HNRNPA2B1: variants seen among roughly 807,000 people sequenced by gnomAD.
HNRNPA2B1 encodes the protein heterogeneous nuclear ribonucleoprotein A2/B1.
Under a neutral mutation model 46.3 loss-of-function variants are expected in HNRNPA2B1, and 3 were observed. That is an observed-to-expected ratio of 0.06 (90% CI 0.03 to 0.17). HNRNPA2B1 has a LOEUF of 0.17. HNRNPA2B1 is among the 10% of genes least tolerant of loss of function. HNRNPA2B1 has a pLI of 1.00. For synonymous variants in HNRNPA2B1, 225 were observed against 133.8 expected, an observed-to-expected ratio of 1.68 and a Z score of -4.70; for missense variants, 221 against 418.9, an observed-to-expected ratio of 0.53 and a Z score of 4.12.
At position 26,192,583 on chromosome 7, in the gene HNRNPA2B1, A is replaced by G; in HGVS notation, c.965-6T>C. On this transcript the variant is annotated splice_region_variant and splice_polypyrimidine_tract_variant and intron_variant, in intron 9 of 10. Coordinates refer to ENST00000618183, the MANE Select transcript of HNRNPA2B1 (RefSeq NM_002137.4). ...GCCTCCTGGACCATAGTTTCCTATAATTGTTGGAACAGCAAGAGAAAACAA... is the reference window on the plus strand; with the variant it reads ...GCCTCCTGGACCATAGTTTCCTATAGTTGTTGGAACAGCAAGAGAAAACAA... The G allele has an allele frequency of 1.2e-6, 2 of 1,613,516 alleles. No homozygotes were observed. Among genetic ancestry groups the G allele is most frequent in the Non-Finnish European group, 1.7e-6 (2 of 1,179,452 alleles).
intron 9 of HNRNPA2B1, 81 bp from the exon 10 acceptor site, chr7:26,192,658 T>G: frequency 1.8e-6 from 2 of 1,129,956 alleles, no homozygotes; most frequent in South Asian, 2.5e-5. Flanking sequence ...TGATTCTATT[T>G]TATATCCATC....
chr7:26,195,147 T>C (rs1783411759), intron 7 of HNRNPA2B1, among the ~76,000 whole-genome samples: 1 of 144,628 alleles, frequency 6.9e-6, no homozygotes, highest in Admixed American at 6.9e-5. Context: ...GCTTGTGGGC[T>C]GAGTCTCTAA....
Position 26,192,355 on chromosome 7 carries a change from A to G in HNRNPA2B1, c.*22-17T>C, listed in dbSNP as rs1389814136. 1 of 646,912 alleles carries G rather than the reference A, an allele frequency of 1.5e-6. No individual in the cohort carries two copies. 40.1% of individuals were successfully genotyped at this position (646,912 alleles called of 1,614,324 possible). On this transcript the variant is annotated splice_polypyrimidine_tract_variant and intron_variant, in intron 10 of 10. Coordinates refer to ENST00000618183, the MANE Select transcript of HNRNPA2B1 (RefSeq NM_002137.4). Reference sequence around the variant, plus strand: ...CAGTGAAGCCTGTTTCAACAGAAGTAAAGAGTAAAAAAAAAATAGGTTATG... The same window carrying G: ...CAGTGAAGCCTGTTTCAACAGAAGTGAAGAGTAAAAAAAAAATAGGTTATG...
At chr7:26,197,974 T>C (rs1339580639) in intron 1 of HNRNPA2B1, 3 of 592,478 alleles carry the variant, frequency 5.1e-6, no homozygotes, top group Non-Finnish European at 8.7e-6. Context: ...AGTTTCAAAG[T>C]CATTAATGCT....
At chr7:26,198,212 A>C (rs1206109202) in intron 1 of HNRNPA2B1, 1 of 191,914 alleles carries the variant, frequency 5.2e-6, no homozygotes, top group Non-Finnish European at 1.0e-5. Flanking sequence ...ACTATTCAAT[A>C]TCTGAAAAGT....
chr7:26,194,538 C>T (rs1783290481), intron 7 of HNRNPA2B1, among the ~76,000 whole-genome samples: 1 of 150,904 alleles, frequency 6.6e-6, no homozygotes, highest in Admixed American at 6.6e-5. Flanking sequence ...CACACCTCTA[C>T]AAAAAAACAC....
chr7:26,198,061 A>C, intron 1 of HNRNPA2B1: 3 of 410,788 alleles, frequency 7.3e-6, no homozygotes, highest in East Asian at 3.7e-5. Flanking sequence ...AAATAAACAA[A>C]TGTAGACCGT....
intron 7 of HNRNPA2B1, among the ~76,000 whole-genome samples, chr7:26,194,168 G>A (rs191672259): frequency 0.03 from 4,599 of 152,206 alleles, 78 homozygotes; most frequent in Middle Eastern, 0.054. Flanking sequence ...AGGCCGAGGC[G>A]GACGGATCAC....
At chr7:26,198,054 T>C (rs1562719964) in intron 1 of HNRNPA2B1, 1 of 435,346 alleles carries the variant, frequency 2.3e-6, no homozygotes. Context: ...TAAGGAAAAA[T>C]AAACAAATGT....
Position 26,192,590 on chromosome 7 carries a change from G to GA in HNRNPA2B1, c.965-14dup. ...GGACCATAGTTTCCTATAATTGTTG[G>GA]AACAGCAAGAGAAAACAAACTTACT... On this transcript the variant is annotated splice_polypyrimidine_tract_variant and intron_variant, in intron 9 of 10. Coordinates refer to ENST00000618183, the MANE Select transcript of HNRNPA2B1 (RefSeq NM_002137.4). 1 of 1,612,040 alleles carries GA rather than the reference G, an allele frequency of 6.2e-7. No homozygotes were observed. Among genetic ancestry groups the GA allele is most frequent in the Non-Finnish European group, 8.5e-7 (1 of 1,178,226 alleles).
rs182166665 is a variant in HNRNPA2B1 at position 26,190,101 on chromosome 7, T to C, written c.*2259A>G. On this transcript the variant is annotated 3_prime_UTR_variant, in exon 11 of 11. Coordinates refer to ENST00000618183, the MANE Select transcript of HNRNPA2B1 (RefSeq NM_002137.4). ...TTTATAGAACAAGATTCACACATTT[T>C]ATGTGTAAACATTACACCAAGTATT... is the stretch of plus-strand genomic sequence containing the variant. The C allele has an allele frequency of 5.9e-5, 9 of 152,776 alleles. No homozygotes were observed. The highest frequency in any genetic ancestry group is 5.2e-4 in the Admixed American group (8 of 15,306). 9.5% of individuals were successfully genotyped at this position (152,776 alleles called of 1,614,324 possible). A position where few individuals can be genotyped will look rare whatever the true frequency, so the allele number is the denominator to read the frequency against.
intron 1 of HNRNPA2B1, chr7:26,199,878 C>A (rs983943533): frequency 2.6e-5 from 4 of 152,220 alleles, no homozygotes; most frequent in Non-Finnish European, 5.9e-5. Flanking sequence ...GGAGCACCCC[C>A]CCTCCCCGCT....
At chr7:26,197,267 G>A (rs763930215) in intron 3 of HNRNPA2B1, 48 bp downstream of exon 3, 2 of 1,545,276 alleles carry the variant, frequency 1.3e-6, no homozygotes, top group South Asian at 1.2e-5. Context: ...ATTTTCAGCA[G>A]GGCAGCGTTC....
chr7:26,197,610 T>C lies in HNRNPA2B1; in HGVS notation c.117+12A>G, dbSNP rs1783796004. On this transcript the variant is annotated intron_variant, in intron 2 of 10. Coordinates refer to ENST00000618183, the MANE Select transcript of HNRNPA2B1 (RefSeq NM_002137.4). ...AGACTAATATCCAGTAACAATTCAG[T>C]AATTTACATACCACACAGTCTGTAA... is the stretch of plus-strand genomic sequence containing the variant. 6.3e-7 allele frequency: 1 copy of C among 1,594,984 alleles called. No individual in the cohort carries two copies. The highest frequency in any genetic ancestry group is 8.6e-7 in the Non-Finnish European group (1 of 1,163,480).
intron 7 of HNRNPA2B1, among the ~76,000 whole-genome samples, chr7:26,195,359 T>C (rs1259557662): frequency 6.6e-6 from 1 of 152,226 alleles, no homozygotes; most frequent in East Asian, 1.9e-4. Flanking sequence ...ATATCACACT[T>C]CATGTTTAAT....
intron 1 of HNRNPA2B1, chr7:26,200,159 C>A (rs1784233546): frequency 4.4e-6 from 1 of 225,926 alleles, no homozygotes; most frequent in Non-Finnish European, 9.0e-6. Context: ...ATCCGGTTCC[C>A]GGGAGAGAGG....
chr7:26,193,513 T>TC lies in HNRNPA2B1; in HGVS notation c.841+61dup, dbSNP rs564471497. 2.2e-4 allele frequency: 335 copies of TC among 1,553,382 alleles called. 3 individuals carry two copies. In the East Asian group the frequency reaches 6.8e-3, roughly 32 times the overall value. The stretch of plus-strand genomic sequence containing the variant: ...TAGTGACAAACATGGAAACAAAAGA[T>TC]CAAGTGTTACAAAGACATTAATTCC... On this transcript the variant is annotated intron_variant, in intron 8 of 10. Coordinates refer to ENST00000618183, the MANE Select transcript of HNRNPA2B1 (RefSeq NM_002137.4).
intron 9 of HNRNPA2B1, 117 bp downstream of exon 9, chr7:26,193,130 AGACC>A: frequency 1.1e-6 from 1 of 947,174 alleles, no homozygotes; most frequent in South Asian, 1.8e-5. Flanking sequence ...ATTTTCACTA[AGACC>A]GTACATGGAG....
intron 1 of HNRNPA2B1, chr7:26,199,148 T>G (rs1000882442): frequency 8.5e-5 from 13 of 152,602 alleles, no homozygotes; most frequent in African/African-American, 3.1e-4. Context: ...TTATAACAAG[T>G]TTTACAAATC....
Sources: gnomAD v4.1 joint callset for allele counts (sites outside exome capture counted in the v4.1 genomes callset) on GRCh38, gnomAD v4.1.1 for gene constraint, MANE v1.5 for transcripts, NCBI Gene and HGNC (gene_info 2026-07-23, HGNC 2026-07-21) for gene names.